The following PPM1B variants were observed in gnomAD, a reference collection of about 807,000 sequenced individuals.
The protein encoded by PPM1B is protein phosphatase 1B.
A neutral mutation model predicts 43.0 loss-of-function variants in PPM1B; 22 were observed. The observed-to-expected ratio is 0.51, with a 90% CI of 0.37 to 0.73. The LOEUF is 0.73. Ranked by LOEUF, PPM1B falls within the 30% of genes least tolerant of loss-of-function variation. PPM1B has a pLI of 0.00. For synonymous variants in PPM1B, 217 were observed against 197.9 expected, an observed-to-expected ratio of 1.10 and a Z score of -0.81; for missense variants, 632 against 584.2, an observed-to-expected ratio of 1.08 and a Z score of -0.84.
intron 1 of PPM1B, among the ~76,000 whole-genome samples, chr2:44,188,446 A>G (rs1244398020): frequency 2.1e-5 from 3 of 142,514 alleles, no homozygotes; most frequent in African/African-American, 8.1e-5. Context: ...CTCAGGCTGG[A>G]ATACAACAGT....
chr2:44,197,025 C>G (rs758473910), intron 1 of PPM1B, among the ~76,000 whole-genome samples: 3 of 152,154 alleles, frequency 2.0e-5, no homozygotes, highest in Non-Finnish European at 4.4e-5. Context: ...TTTAAATAAA[C>G]TTTTAATGTT....
intron 5 of PPM1B, among the ~76,000 whole-genome samples, chr2:44,223,919 C>T (rs1260662730): frequency 6.7e-6 from 1 of 148,352 alleles, no homozygotes; most frequent in Non-Finnish European, 1.5e-5. Flanking sequence ...CTTACCTTTG[C>T]TATGTGGTCT....
At chr2:44,173,819 C>A (rs1445426802) in intron 1 of PPM1B, among the ~76,000 whole-genome samples, 2 of 152,148 alleles carry the variant, frequency 1.3e-5, no homozygotes, top group Admixed American at 6.5e-5. Flanking sequence ...TGGCACATGC[C>A]TGTAGTCCCA....
At chr2:44,228,668 A>G (rs1408476918) in intron 5 of PPM1B, among the ~76,000 whole-genome samples, 1 of 152,218 alleles carries the variant, frequency 6.6e-6, no homozygotes, top group Non-Finnish European at 1.5e-5. Flanking sequence ...CAATATTTTA[A>G]GATGAAAACT....
chr2:44,172,886 G>T (rs1359058784), intron 1 of PPM1B, among the ~76,000 whole-genome samples: 1 of 152,208 alleles, frequency 6.6e-6, no homozygotes, highest in Non-Finnish European at 1.5e-5. Context: ...CAGCCTGGAT[G>T]ACAGAGTGAA....
At chr2:44,185,043 C>T (rs1051555071) in intron 1 of PPM1B, among the ~76,000 whole-genome samples, 1 of 150,516 alleles carries the variant, frequency 6.6e-6, no homozygotes, top group Non-Finnish European at 1.5e-5. Flanking sequence ...TTGATAATGA[C>T]TTTAATATTA....
chr2:44,242,367 GAT>G (rs1329509152), intron 5 of PPM1B, among the ~76,000 whole-genome samples: 1 of 152,066 alleles, frequency 6.6e-6, no homozygotes, highest in Admixed American at 6.5e-5. Context: ...CTTTTTTAAA[GAT>G]ATTGGGAAAA....
intron 5 of PPM1B, among the ~76,000 whole-genome samples, chr2:44,226,444 C>G (rs1277713011): frequency 6.6e-6 from 1 of 152,150 alleles, no homozygotes; most frequent in Non-Finnish European, 1.5e-5. Flanking sequence ...ACCTTTCATC[C>G]AACCTTATTA....
At chr2:44,235,925 TA>T (rs199501207), downstream of PPM1B, among the ~76,000 whole-genome samples, 1,984 of 151,736 alleles carry the variant, frequency 0.013, 22 homozygotes, top group African/African-American at 0.017. Flanking sequence ...TCTTTTATAT[TA>T]AAAAAAACTC....
intron 1 of PPM1B, among the ~76,000 whole-genome samples, chr2:44,181,864 T>C (rs1287838159): frequency 1.3e-5 from 2 of 152,236 alleles, no homozygotes; most frequent in Non-Finnish European, 2.9e-5. Context: ...AGAGGGCAGA[T>C]ACTGTGTTTT....
downstream of PPM1B, among the ~76,000 whole-genome samples, chr2:44,237,193 A>G (rs567127770): frequency 2.3e-3 from 344 of 152,304 alleles, 1 homozygote; most frequent in African/African-American, 7.9e-3. Context: ...ATTGCTTTTA[A>G]GTTTTTTTCT....
intron 1 of PPM1B, among the ~76,000 whole-genome samples, chr2:44,192,945 C>G (rs963188175): frequency 6.6e-6 from 1 of 151,918 alleles, no homozygotes; most frequent in Non-Finnish European, 1.5e-5. Context: ...ATATATACAC[C>G]ACATTTTCTT....
chr2:44,172,362 T>G (rs1006885536), intron 1 of PPM1B, among the ~76,000 whole-genome samples: 1 of 152,202 alleles, frequency 6.6e-6, no homozygotes, highest in Non-Finnish European at 1.5e-5. Context: ...ACTCAAACAT[T>G]GATGGTGAAA....
chr2:44,232,233 C>T (rs554230623), downstream of PPM1B: 1 of 1,541,670 alleles, frequency 6.5e-7, no homozygotes, highest in South Asian at 1.2e-5. Context: ...ATTTGTTCAT[C>T]AATTTTGTTT....
chr2:44,226,963 TATTTATTTATGAATGA>T (rs1205364627), intron 5 of PPM1B, among the ~76,000 whole-genome samples: 42 of 142,146 alleles, frequency 3.0e-4, no homozygotes, highest in Non-Finnish European at 4.0e-4. Flanking sequence ...TTTATTTATT[TATTTATTTATGAATGA>T]ATGAATGAAT....
intron 5 of PPM1B, among the ~76,000 whole-genome samples, chr2:44,229,229 C>T (rs1670363320): frequency 6.6e-6 from 1 of 150,938 alleles, no homozygotes; most frequent in African/African-American, 2.4e-5. Flanking sequence ...ACCATAATAC[C>T]ATTATTATAC....
At chr2:44,234,374 C>A, downstream of PPM1B, 1 of 503,070 alleles carries the variant, frequency 2.0e-6, no homozygotes, top group Non-Finnish European at 2.6e-6. Context: ...CAAAGATTAG[C>A]TGGGCATGGT....
At chr2:44,172,333 T>A (rs114671056) in intron 1 of PPM1B, among the ~76,000 whole-genome samples, 1 of 152,244 alleles carries the variant, frequency 6.6e-6, no homozygotes, top group Non-Finnish European at 1.5e-5. Flanking sequence ...TTAAGTGTAC[T>A]GACATTTCAC....
chr2:44,197,988 A>G (rs1668741888), intron 1 of PPM1B, among the ~76,000 whole-genome samples: 1 of 152,178 alleles, frequency 6.6e-6, no homozygotes, highest in Admixed American at 6.5e-5. Context: ...AGCCTGAAGC[A>G]TCCCTAACAC....
Sources: gnomAD v4.1 joint callset for allele counts (sites outside exome capture counted in the v4.1 genomes callset) on GRCh38, gnomAD v4.1.1 for gene constraint, MANE v1.5 for transcripts, NCBI Gene and HGNC (gene_info 2026-07-23, HGNC 2026-07-21) for gene names.